Variants in COL11A1 observed in about 807,000 individuals in gnomAD.
COL11A1 encodes the protein collagen alpha-1(XI) chain.
COL11A1 carries 74 observed loss-of-function variants against 265.2 expected under a neutral mutation model. The observed-to-expected ratio is 0.28, with a 90% CI of 0.23 to 0.34. COL11A1 has a LOEUF of 0.34. COL11A1 is among the 10% of genes least tolerant of loss of function. The pLI, the probability that COL11A1 is intolerant of heterozygous loss-of-function variation, is 1.00. For synonymous variants in COL11A1, 816 were observed against 727.6 expected, an observed-to-expected ratio of 1.12 and a Z score of -1.96; for missense variants, 2,165 against 2,263.6, an observed-to-expected ratio of 0.96 and a Z score of 0.88.
At chr1:102,901,606 C>G (rs984145560) in intron 54 of COL11A1, among the ~76,000 whole-genome samples, 1 of 152,148 alleles carries the variant, frequency 6.6e-6, no homozygotes, top group African/African-American at 2.4e-5. Context: ...GAAACTTAAT[C>G]TGGTGAGCTC....
intron 4 of COL11A1, among the ~76,000 whole-genome samples, chr1:103,061,692 ACTTTT>A (rs1288929743): frequency 2.0e-5 from 3 of 152,004 alleles, no homozygotes; most frequent in African/African-American, 7.2e-5. Context: ...TCAAAATATA[ACTTTT>A]CTTTGAGGGA....
chr1:102,956,093 G>A (rs1240234116), intron 41 of COL11A1, among the ~76,000 whole-genome samples: 2 of 152,072 alleles, frequency 1.3e-5, no homozygotes, highest in Non-Finnish European at 2.9e-5. Context: ...TAACTCCCAG[G>A]ACCAAAACCT....
At chr1:102,951,190 A>C (rs2101464315) in intron 41 of COL11A1, among the ~76,000 whole-genome samples, 1 of 152,312 alleles carries the variant, frequency 6.6e-6, no homozygotes. Context: ...GATCCTTCAA[A>C]GTATTTCTTA....
intron 1 of COL11A1, among the ~76,000 whole-genome samples, chr1:103,088,799 G>A (rs986743745): frequency 2.6e-5 from 4 of 152,178 alleles, no homozygotes; most frequent in African/African-American, 9.7e-5. Flanking sequence ...AGAGTAAAGA[G>A]TTCAAGGAAA....
intron 4 of COL11A1, among the ~76,000 whole-genome samples, chr1:103,064,203 A>G (rs1319291852): frequency 6.6e-6 from 1 of 152,142 alleles, no homozygotes; most frequent in South Asian, 2.1e-4. Context: ...ACTTCTTGGT[A>G]TTTATCCAAA....
intron 36 of COL11A1, among the ~76,000 whole-genome samples, chr1:102,972,953 T>C (rs1570911587): frequency 6.6e-6 from 1 of 152,048 alleles, no homozygotes; most frequent in Non-Finnish European, 1.5e-5. Context: ...GAAGGGAATA[T>C]TTAGATCCAT....
chr1:103,025,816 GC>G (rs1557963553), intron 6 of COL11A1: 2 of 1,613,086 alleles, frequency 1.2e-6, no homozygotes, highest in African/African-American at 2.7e-5. Context: ...CCCTAGTTTG[GC>G]TTTTGCTGAT....
chr1:103,090,942 A>C (rs1673269029), intron 1 of COL11A1, among the ~76,000 whole-genome samples: 1 of 152,104 alleles, frequency 6.6e-6, no homozygotes, highest in Admixed American at 6.6e-5. Flanking sequence ...CAATCTCTTC[A>C]GCATGTTCAT....
chr1:102,887,397 T>C (rs1253553130), intron 62 of COL11A1, among the ~76,000 whole-genome samples: 1 of 152,130 alleles, frequency 6.6e-6, no homozygotes, highest in Non-Finnish European at 1.5e-5. Flanking sequence ...ACAACTAGAT[T>C]GTAAAGTCTC....
chr1:103,074,853 T>TACACA, intron 3 of COL11A1, 73 bp from the exon 4 acceptor site: 1 of 1,513,726 alleles, frequency 6.6e-7, no homozygotes, highest in Non-Finnish European at 9.1e-7. Flanking sequence ...CACATAAAAA[T>TACACA]GCTGTGTATT....
intron 1 of COL11A1, among the ~76,000 whole-genome samples, chr1:103,083,267 C>CGTGT (rs3058875): frequency 6.9e-6 from 1 of 144,346 alleles, no homozygotes; most frequent in Non-Finnish European, 1.5e-5. Flanking sequence ...TGTGTGTGTG[C>CGTGT]GTGTGTGTGT....
At chr1:102,965,879 C>T (rs576985976) in intron 37 of COL11A1, among the ~76,000 whole-genome samples, 1 of 152,238 alleles carries the variant, frequency 6.6e-6, no homozygotes, top group South Asian at 2.1e-4. Flanking sequence ...ATGATTTAGA[C>T]ATTCTTTGAA....
At chr1:103,031,079 G>T in intron 5 of COL11A1, 37 bp downstream of exon 5, 1 of 1,611,734 alleles carries the variant, frequency 6.2e-7, no homozygotes, top group Non-Finnish European at 8.5e-7. Flanking sequence ...CCATATCACT[G>T]AAATACGAAG....
At chr1:103,067,066 C>A (rs1249219554) in intron 4 of COL11A1, among the ~76,000 whole-genome samples, 1 of 151,802 alleles carries the variant, frequency 6.6e-6, no homozygotes, top group Non-Finnish European at 1.5e-5. Context: ...CCCAATTACA[C>A]AATTATGGTA....
At chr1:103,107,606 C>T (rs959095919) in intron 1 of COL11A1, among the ~76,000 whole-genome samples, 2 of 149,738 alleles carry the variant, frequency 1.3e-5, no homozygotes, top group African/African-American at 4.9e-5. Flanking sequence ...AGACAAAGAA[C>T]TTTATCAAGG....
chr1:103,012,199 T>A (rs1178400759), intron 14 of COL11A1, among the ~76,000 whole-genome samples: 4 of 152,204 alleles, frequency 2.6e-5, no homozygotes, highest in Non-Finnish European at 5.9e-5. Context: ...TTTTTAATTT[T>A]ATTTATTCAA....
At chr1:103,001,240 A>C (rs973457384) in intron 24 of COL11A1, 9 of 397,384 alleles carry the variant, frequency 2.3e-5, no homozygotes, top group African/African-American at 1.9e-4. Context: ...GTACACTTAA[A>C]ACAAGGGAAT....
chr1:103,012,579 T>A, intron 13 of COL11A1, 110 bp from the exon 14 acceptor site: 1 of 800,130 alleles, frequency 1.2e-6, no homozygotes, highest in Non-Finnish European at 2.2e-6. Context: ...CAACACAGAT[T>A]TAATAACTAC....
chr1:103,106,887 G>A (rs979079408), intron 1 of COL11A1, among the ~76,000 whole-genome samples: 1 of 152,110 alleles, frequency 6.6e-6, no homozygotes, highest in African/African-American at 2.4e-5. Context: ...CCACACTCAA[G>A]TTTCTGCTAA....
Sources: gnomAD v4.1 joint callset for allele counts (sites outside exome capture counted in the v4.1 genomes callset) on GRCh38, gnomAD v4.1.1 for gene constraint, MANE v1.5 for transcripts, NCBI Gene and HGNC (gene_info 2026-07-23, HGNC 2026-07-21) for gene names.